The following MEGF11 variants were observed in gnomAD, a reference collection of about 807,000 sequenced individuals.
MEGF11 encodes the protein multiple EGF like domains 11, also known as multiple epidermal growth factor-like domains protein 11.
In MEGF11, 126 loss-of-function variants were observed where a neutral mutation model predicts 146.6. That is an observed-to-expected ratio of 0.86 (90% confidence interval 0.74 to 1.00). The LOEUF (loss-of-function observed/expected upper bound fraction) is 1.00. MEGF11 is among the 50% of genes least tolerant of loss of function. MEGF11 has a pLI of 0.00. For missense variants in MEGF11, 1,509 were observed against 1,521.2 expected (o/e 0.99, Z 0.13); for synonymous variants, 532 against 583.4 (o/e 0.91, Z 1.27).
intron 5 of MEGF11, among the ~76,000 whole-genome samples, chr15:66,076,584 C>A (rs533109699): frequency 6.6e-6 from 1 of 152,290 alleles, no homozygotes; most frequent in Admixed American, 6.5e-5. Context: ...TGCTTTGGGG[C>A]AGCACCAGGG....
At chr15:66,015,203 A>G (rs192793148) in intron 5 of MEGF11, among the ~76,000 whole-genome samples, 4 of 152,258 alleles carry the variant, frequency 2.6e-5, no homozygotes, top group African/African-American at 9.6e-5. Context: ...CTCTCCCCTC[A>G]CCAGCAATTG....
At chr15:66,160,181 G>T (rs2089899525) in intron 1 of MEGF11, among the ~76,000 whole-genome samples, 1 of 151,364 alleles carries the variant, frequency 6.6e-6, no homozygotes, top group South Asian at 2.1e-4. Context: ...CTGGGAGGGA[G>T]AAGTAGGCTA....
intron 5 of MEGF11, among the ~76,000 whole-genome samples, chr15:66,004,341 T>C (rs1354868372): frequency 6.6e-6 from 1 of 151,428 alleles, no homozygotes; most frequent in East Asian, 1.9e-4. Flanking sequence ...TTAACAACCA[T>C]ACACATGACC....
At chr15:66,097,729 C>A (rs149533579) in intron 4 of MEGF11, among the ~76,000 whole-genome samples, 1 of 129,240 alleles carries the variant, frequency 7.7e-6, no homozygotes. Context: ...AGCCTTCTAG[C>A]GAGACTCCAT....
chr15:66,082,960 G>A (rs1404788816), intron 5 of MEGF11, among the ~76,000 whole-genome samples: 1 of 152,106 alleles, frequency 6.6e-6, no homozygotes, highest in Non-Finnish European at 1.5e-5. Flanking sequence ...CCTGTCCCAG[G>A]CCAGGGGCAG....
At chr15:65,951,837 A>G (rs55812611) in intron 10 of MEGF11, among the ~76,000 whole-genome samples, 19,733 of 151,902 alleles carry the variant, frequency 0.13, 1,996 homozygotes, top group East Asian at 0.6. Context: ...CATCTCTACA[A>G]ATTTTTTTTT....
intron 1 of MEGF11, among the ~76,000 whole-genome samples, chr15:66,130,213 T>C (rs1357600989): frequency 6.6e-6 from 1 of 152,196 alleles, no homozygotes; most frequent in Non-Finnish European, 1.5e-5. Flanking sequence ...GGCATTGAGC[T>C]ATGCGGAGAG....
chr15:65,908,346 T>C (rs1485533453), intron 23 of MEGF11, among the ~76,000 whole-genome samples: 1 of 152,138 alleles, frequency 6.6e-6, no homozygotes, highest in Non-Finnish European at 1.5e-5. Context: ...AGGAGCCACA[T>C]TGTAGGGAGG....
Position 65,982,623 on chromosome 15 carries a change from G to T in MEGF11, c.395-135C>A. 1 of 1,077,824 alleles carries T rather than the reference G, an allele frequency of 9.3e-7. No individual in the cohort carries two copies. Among genetic ancestry groups the T allele is most frequent in the Non-Finnish European group, 1.3e-6 (1 of 796,332 alleles). The allele number at this position is 1,077,824 out of a possible 1,614,324, so 66.8% of individuals were successfully genotyped here. A position where few individuals can be genotyped will look rare whatever the true frequency, so the allele number is the denominator to read the frequency against. On this transcript the variant is annotated intron_variant, in intron 5 of 25. Coordinates refer to ENST00000395614, the MANE Select transcript of MEGF11 (RefSeq NM_001385028.1). This position sits in a 1 kb window ranked among gnomAD's most constrained non-coding sequence, Gnocchi z 5.6. ...GGACAGGTGGCAGCAAGGGGTGCCT[G>T]GAAGCTTTGGTGCCTCATAACCTGC... is the stretch of plus-strand genomic sequence containing the variant.
chr15:66,156,835 C>A (rs1335001735), intron 1 of MEGF11, among the ~76,000 whole-genome samples: 1 of 152,154 alleles, frequency 6.6e-6, no homozygotes, highest in Non-Finnish European at 1.5e-5. Flanking sequence ...TTCCTCTGTA[C>A]TGAGAGAACA....
At chr15:66,214,359 C>T (rs770862117) in intron 1 of MEGF11, among the ~76,000 whole-genome samples, 11 of 152,152 alleles carry the variant, frequency 7.2e-5, no homozygotes, top group African/African-American at 1.9e-4. Context: ...GGACAAAATT[C>T]GTCCCTGTCC....
At chr15:65,908,035 G>T (rs78819662) in intron 23 of MEGF11, among the ~76,000 whole-genome samples, 1 of 152,194 alleles carries the variant, frequency 6.6e-6, no homozygotes, top group Admixed American at 6.5e-5. Context: ...GTGTGTGTGT[G>T]TATATGCTGG....
At chr15:66,216,067 C>A (rs139742067) in intron 1 of MEGF11, among the ~76,000 whole-genome samples, 3 of 152,082 alleles carry the variant, frequency 2.0e-5, no homozygotes, top group African/African-American at 7.2e-5. Flanking sequence ...GCAGAACAGG[C>A]GCTCAGGCTG....
At position 66,102,472 on chromosome 15, in the gene MEGF11, C is replaced by T. The variant is rs183754449; in HGVS notation, c.302-7978G>A. Among the ~76,000 whole-genome samples the T allele has an allele frequency of 9.7e-5, 14 of 144,344 alleles. No individual in the cohort carries two copies. In the East Asian group the frequency reaches 2.0e-3, roughly 21 times the overall value. 94.7% of individuals were successfully genotyped at this position (144,344 alleles called of 152,430 possible). On this transcript the variant is annotated intron_variant, in intron 4 of 25. Transcript: ENST00000395614. ...TTTTTGAGACAGGGTCTCACTCTGTCGCCCAGGCTGGAGCAGCCATCACAG... is the reference window on the plus strand; with the variant it reads ...TTTTTGAGACAGGGTCTCACTCTGTTGCCCAGGCTGGAGCAGCCATCACAG...
chr15:65,973,838 A>G (rs532747411), intron 7 of MEGF11, among the ~76,000 whole-genome samples: 2 of 152,230 alleles, frequency 1.3e-5, no homozygotes, highest in African/African-American at 2.4e-5. Flanking sequence ...GGGAAATGCC[A>G]GAAGAAATAC....
intron 7 of MEGF11, among the ~76,000 whole-genome samples, chr15:65,976,724 C>T (rs945132328): frequency 3.3e-5 from 5 of 152,202 alleles, no homozygotes; most frequent in Non-Finnish European, 7.3e-5. Context: ...AAGTGTGTAT[C>T]TCCAATTGTA....
At chr15:66,248,083 A>T (rs548432090) in intron 1 of MEGF11, among the ~76,000 whole-genome samples, 6 of 152,250 alleles carry the variant, frequency 3.9e-5, no homozygotes, top group African/African-American at 1.4e-4. Flanking sequence ...AATTCTAGCC[A>T]ATAAGACAAA....
intron 5 of MEGF11, among the ~76,000 whole-genome samples, chr15:66,031,695 T>C (rs2083527971): frequency 1.3e-5 from 2 of 152,214 alleles, no homozygotes; most frequent in Admixed American, 6.5e-5. Flanking sequence ...CTTGAGCAAC[T>C]ACTTATCTTC....
intron 5 of MEGF11, among the ~76,000 whole-genome samples, chr15:66,079,593 T>C (rs1448890897): frequency 7.2e-6 from 1 of 139,212 alleles, no homozygotes; most frequent in East Asian, 2.4e-4. Flanking sequence ...GTACAGCCAG[T>C]GTTCCACCAG....
Sources: allele counts gnomAD v4.1 joint callset (sites outside exome capture counted in the v4.1 genomes callset), GRCh38; gene constraint gnomAD v4.1.1; non-coding constraint Gnocchi (gnomAD v3.1); transcripts MANE v1.5; gene names NCBI Gene and HGNC (gene_info 2026-07-23, HGNC 2026-07-21).